The following APMAP variants were observed in gnomAD, a reference collection of about 807,000 sequenced individuals.
APMAP encodes the protein adipocyte plasma membrane-associated protein.
APMAP carries 33 observed loss-of-function variants against 43.6 expected under a neutral mutation model. That is an observed-to-expected ratio of 0.76 (90% CI 0.57 to 1.01). The LOEUF is 1.01. Among genes scored for constraint, APMAP ranks in the 50% least tolerant of loss-of-function variants. The probability of loss-of-function intolerance (pLI) is 0.00; values close to 1 mark genes in which losing one functional copy is unlikely to be tolerated. For synonymous variants in APMAP, 224 were observed against 216.7 expected (o/e 1.03, Z -0.30); for missense variants, 498 against 540.7 (o/e 0.92, Z 0.78).
At chr20:24,981,846 T>G (rs1365781627) in intron 2 of APMAP, among the ~76,000 whole-genome samples, 1 of 152,256 alleles carries the variant, frequency 6.6e-6, no homozygotes, top group African/African-American at 2.4e-5. Flanking sequence ...AAAAATAAAC[T>G]TTTTGTTCCC....
intron 2 of APMAP, 102 bp from the exon 3 acceptor site, chr20:24,978,984 C>T (rs2088077017): frequency 1.1e-6 from 1 of 877,486 alleles, no homozygotes; most frequent in Non-Finnish European, 1.8e-6. Context: ...ATGGCACTTT[C>T]TAACAACATC....
Position 24,963,177 on chromosome 20 carries a change from G to A in APMAP, c.*636C>T, listed in dbSNP as rs927369965. 1 of 152,730 alleles carries A rather than the reference G, an allele frequency of 6.5e-6. No individual in the cohort carries two copies. 9.5% of individuals were successfully genotyped at this position (152,730 alleles called of 1,614,324 possible). Reference sequence around the variant, plus strand: ...ATCCAATTCCAGCATGGTCAGCACGGAGATATTCACAGAAAGAAACCCAGC... The same window carrying A: ...ATCCAATTCCAGCATGGTCAGCACGAAGATATTCACAGAAAGAAACCCAGC... On this transcript the variant is annotated 3_prime_UTR_variant, in exon 9 of 9. Transcript: ENST00000217456.
Position 24,971,448 on chromosome 20 carries a change from A to G in APMAP, c.538+12T>C, listed in dbSNP as rs754640861. 6.3e-7 allele frequency: 1 copy of G among 1,598,650 alleles called. No individual in the cohort carries two copies. Among genetic ancestry groups the G allele is most frequent in the Non-Finnish European group, 8.6e-7 (1 of 1,166,236 alleles). ...AAATCTTCATAGAAGGAAACGAGAT[A>G]TTGTCACATACGTTTCCAGGGATTT... On this transcript the variant is annotated intron_variant, in intron 5 of 8. Transcript: ENST00000217456.
chr20:24,969,444 C>T (rs1485639719), intron 7 of APMAP, 82 bp downstream of exon 7: 4 of 1,517,848 alleles, frequency 2.6e-6, no homozygotes, highest in African/African-American at 1.4e-5. Context: ...TGATTTCTGT[C>T]GATCCCATTT....
At position 24,970,281 on chromosome 20, in the gene APMAP, C is replaced by A; in HGVS notation, c.629G>T (p.Arg210Met). 6.2e-7 allele frequency: 1 copy of A among 1,614,110 alleles called. No individual in the cohort carries two copies. The highest frequency in any genetic ancestry group is 8.5e-7 in the Non-Finnish European group (1 of 1,180,020). The stretch of plus-strand genomic sequence containing the variant: ...GCTAGAATCGGTGAAATAAATCTTC[C>A]TCCCATCCTGAGTGACTGTAAGATC... ...VNDLTVTQDG[R>M]KIYFTDSSSK... Residue 210 changes from arginine to methionine, a missense_variant, in exon 6 of 9, where the codon AGG becomes ATG. Physicochemically the swap from Arg to Met is moderately conservative, Grantham distance 91. Transcript: ENST00000217456.
chr20:24,966,069 G>C (rs957145335), intron 8 of APMAP, among the ~76,000 whole-genome samples: 1 of 152,152 alleles, frequency 6.6e-6, no homozygotes, highest in African/African-American at 2.4e-5. Flanking sequence ...CCAAAGCAGC[G>C]AGTACACTCA....
At chr20:24,989,373 A>G (rs1568818955) in intron 1 of APMAP, among the ~76,000 whole-genome samples, 1 of 152,176 alleles carries the variant, frequency 6.6e-6, no homozygotes, top group African/African-American at 2.4e-5. Flanking sequence ...AGGATTTGAC[A>G]ACTGCTGTTG....
intron 4 of APMAP, 53 bp from the exon 5 acceptor site, chr20:24,971,629 CTGT>C: frequency 7.1e-7 from 1 of 1,409,236 alleles, no homozygotes; most frequent in Non-Finnish European, 1.0e-6. Flanking sequence ...TCTACATGTG[CTGT>C]TCTCAGTATC....
intron 2 of APMAP, among the ~76,000 whole-genome samples, chr20:24,981,948 C>T (rs2122518900): frequency 6.6e-6 from 1 of 152,354 alleles, no homozygotes; most frequent in Admixed American, 6.5e-5. Flanking sequence ...GTGCATGGGG[C>T]ATGGCCTGTG....
chr20:24,970,391 A>G lies in APMAP; in HGVS notation c.539-20T>C. On this transcript the variant is annotated intron_variant, in intron 5 of 8. Coordinates refer to ENST00000217456, the MANE Select transcript of APMAP (RefSeq NM_020531.3). ...CTTCACCTGAAGTTTAAAAAGAAAG[A>G]AAAAGATTGACTTGAACTAGGAACT... 1.3e-6 allele frequency: 2 copies of G among 1,596,382 alleles called. No individual in the cohort carries two copies. Among genetic ancestry groups the G allele is most frequent in the Non-Finnish European group, 1.7e-6 (2 of 1,169,812 alleles).
At chr20:24,984,078 G>C in intron 1 of APMAP, 59 bp from the exon 2 acceptor site, 1 of 1,440,980 alleles carries the variant, frequency 6.9e-7, no homozygotes, top group Non-Finnish European at 9.6e-7. Flanking sequence ...GACAAGGTTG[G>C]CTGGTCCGAA....
At chr20:24,966,474 C>A (rs1302597315) in intron 8 of APMAP, among the ~76,000 whole-genome samples, 1 of 152,238 alleles carries the variant, frequency 6.6e-6, no homozygotes, top group African/African-American at 2.4e-5. Flanking sequence ...ACCACCCCAA[C>A]AGAGCAAACT....
At chr20:24,971,661 C>A in intron 4 of APMAP, 85 bp from the exon 5 acceptor site, 2 of 1,082,534 alleles carry the variant, frequency 1.8e-6, no homozygotes. Flanking sequence ...TCATCCATCC[C>A]TTCCCATACA....
At chr20:24,983,843 T>A (rs2088124743) in intron 2 of APMAP, 60 bp downstream of exon 2, 1 of 1,180,300 alleles carries the variant, frequency 8.5e-7, no homozygotes, top group East Asian at 2.5e-5. Flanking sequence ...TCCTTGGAAA[T>A]TATTTCAGCC....
At chr20:24,973,179 T>C (rs2088020255) in intron 4 of APMAP, among the ~76,000 whole-genome samples, 1 of 152,098 alleles carries the variant, frequency 6.6e-6, no homozygotes, top group South Asian at 2.1e-4. Flanking sequence ...AAACAGTGAG[T>C]CTTCTACTCT....
At position 24,971,571 on chromosome 20, in the gene APMAP, G is replaced by A. The variant is rs371599172; in HGVS notation, c.427C>T (p.Arg143Ter). The stretch of plus-strand genomic sequence containing the variant: ...CTCCCACACACAGGCTCATCATCTC[G>A]GGTTTCTAGAAAAACAAACAGATGG... ...ARFGSGPCKT[R>*]DDEPVCGRPL... The change falls in exon 5 of 9, where the codon CGA becomes TGA. Residue 143 changes from arginine (R) to a stop codon, truncating the protein, a stop_gained. Transcript: ENST00000217456. LOFTEE classifies it high-confidence loss of function. The A allele has an allele frequency of 1.3e-5, 21 of 1,613,628 alleles. No homozygotes were observed. Among genetic ancestry groups the A allele is most frequent in the South Asian group, 9.9e-5 (9 of 91,054 alleles).
rs779734592 is a variant in APMAP at position 24,963,837 on chromosome 20, G to A, written c.1227C>T (p.Cys409=). ...YLGSFRSPFL[C]RLSLQAV ...GCTAAACAGCCTGGAGGCTGAGTCT[G>A]CAGAGGAAGGGGGACCTGAAAGAGC... Residue 409 remains cysteine, a synonymous_variant, in exon 9 of 9, where the codon TGC becomes TGT. Transcript: ENST00000217456. 4.3e-6 allele frequency: 7 copies of A among 1,614,082 alleles called. No individual in the cohort carries two copies. In the Admixed American group the frequency reaches 6.7e-5, roughly 15 times the overall value.
intron 8 of APMAP, among the ~76,000 whole-genome samples, chr20:24,967,529 T>C (rs2087956114): frequency 6.6e-6 from 1 of 152,094 alleles, no homozygotes; most frequent in South Asian, 2.1e-4. Context: ...GGATGACAAA[T>C]GAACTATGCA....
At chr20:24,966,328 G>A (rs1290472353) in intron 8 of APMAP, among the ~76,000 whole-genome samples, 1 of 152,296 alleles carries the variant, frequency 6.6e-6, no homozygotes, top group Non-Finnish European at 1.5e-5. Flanking sequence ...AAGAACATGG[G>A]AAACCATAAG....
Sources: allele counts gnomAD v4.1 joint callset (sites outside exome capture counted in the v4.1 genomes callset), GRCh38; gene constraint gnomAD v4.1.1; transcripts MANE v1.5; gene names NCBI Gene and HGNC (gene_info 2026-07-23, HGNC 2026-07-21).